Variants in RBKS observed in about 807,000 individuals in gnomAD.
RBKS encodes the protein ribokinase.
A neutral mutation model predicts 33.9 loss-of-function variants in RBKS; 33 were observed. The ratio of observed to expected loss-of-function variants is 0.97; its 90% CI spans 0.74 to 1.30. The LOEUF is 1.30. RBKS is among the 50% of genes most tolerant of loss of function. The pLI is 0.00. For synonymous variants in RBKS, 125 were observed against 143.0 expected, an observed-to-expected ratio of 0.87 and a Z score of 0.90; for missense variants, 361 against 392.6, an observed-to-expected ratio of 0.92 and a Z score of 0.68.
chr2:27,827,579 A>T lies in RBKS; in HGVS notation c.783T>A (p.Ala261=). The change falls in exon 7 of 8, where the codon GCT becomes GCA. Residue 261 remains alanine (A), a synonymous_variant. Transcript: ENST00000302188. The stretch of plus-strand genomic sequence containing the variant: ...TTTTAAAACTTACCGTGGTATCCAC[A>T]GCCTTGACTTTCTCTGTGGGAATGT... ...PKHIPTEKVK[A]VDTTGAGDSF... 1 of 1,584,232 alleles carries T rather than the reference A, an allele frequency of 6.3e-7. No individual in the cohort carries two copies. Among genetic ancestry groups the T allele is most frequent in the Non-Finnish European group, 8.6e-7 (1 of 1,168,858 alleles).
intron 5 of RBKS, among the ~76,000 whole-genome samples, chr2:27,840,089 A>G (rs4275987): frequency 0.35 from 51,499 of 145,826 alleles, 11,022 homozygotes; most frequent in East Asian, 0.63. Flanking sequence ...GCGCGATCTC[A>G]GCTCACTGCA....
rs577547045 is a variant in RBKS, at chr2:27,795,572, T to C, written c.796-13784A>G. Among the ~76,000 whole-genome samples, 1 of 152,204 alleles carries C rather than the reference T, an allele frequency of 6.6e-6. No individual in the cohort carries two copies. The highest frequency in any genetic ancestry group is 2.4e-5 in the African/African-American group (1 of 41,532). ...ACACAACATTGACCTCATTTCATCT[T>C]CACACTGACCCTGCACTCCCCCGCC... On this transcript the variant is annotated intron_variant, in intron 7 of 7. Coordinates refer to ENST00000302188, the MANE Select transcript of RBKS (RefSeq NM_022128.3). This position sits in a 1 kb window ranked among gnomAD's most constrained non-coding sequence, Gnocchi z 4.1.
chr2:27,867,650 T>C (rs867348227), intron 1 of RBKS, among the ~76,000 whole-genome samples: 1 of 152,216 alleles, frequency 6.6e-6, no homozygotes, highest in Non-Finnish European at 1.5e-5. Flanking sequence ...CAAATCTTTT[T>C]GGATAATTAT....
At chr2:27,815,777 C>G (rs959699004) in intron 7 of RBKS, among the ~76,000 whole-genome samples, 1 of 152,108 alleles carries the variant, frequency 6.6e-6, no homozygotes, top group Non-Finnish European at 1.5e-5. Flanking sequence ...AAGCAAGCTC[C>G]CATAACCTTA....
At chr2:27,840,878 T>C (rs753322384) in intron 5 of RBKS, among the ~76,000 whole-genome samples, 1 of 152,184 alleles carries the variant, frequency 6.6e-6, no homozygotes, top group Non-Finnish European at 1.5e-5. Context: ...ATGCCTGCCA[T>C]ATCTTTGTCA....
intron 4 of RBKS, among the ~76,000 whole-genome samples, chr2:27,846,686 A>C (rs1470236034): frequency 6.6e-6 from 1 of 152,232 alleles, no homozygotes; most frequent in Non-Finnish European, 1.5e-5. Context: ...ATACTTACCT[A>C]GTGTAACTGA....
At chr2:27,785,926 C>T (rs1211713584) in intron 7 of RBKS, among the ~76,000 whole-genome samples, 2 of 152,128 alleles carry the variant, frequency 1.3e-5, no homozygotes, top group Non-Finnish European at 2.9e-5. Context: ...ACGCTGGAAA[C>T]CATCTGATTG....
chr2:27,786,812 A>T (rs184840997), intron 7 of RBKS, among the ~76,000 whole-genome samples: 5 of 151,758 alleles, frequency 3.3e-5, no homozygotes, highest in Admixed American at 3.3e-4. Context: ...AAGTTTAAAA[A>T]ATATTGTACC....
At chr2:27,820,862 G>A (rs1204720833) in intron 7 of RBKS, among the ~76,000 whole-genome samples, 1 of 152,088 alleles carries the variant, frequency 6.6e-6, no homozygotes, top group Admixed American at 6.5e-5. Flanking sequence ...CCAACATGGT[G>A]AAACCCTGTC....
chr2:27,866,087 T>C (rs1217467028), intron 1 of RBKS, among the ~76,000 whole-genome samples: 2 of 152,178 alleles, frequency 1.3e-5, no homozygotes, highest in Non-Finnish European at 2.9e-5. Context: ...GGAACTTCCT[T>C]TAACATTTAT....
chr2:27,868,610 A>G (rs939732126), intron 1 of RBKS, among the ~76,000 whole-genome samples: 1 of 152,222 alleles, frequency 6.6e-6, no homozygotes, highest in African/African-American at 2.4e-5. Flanking sequence ...CTATACTAAA[A>G]ACAACCTATA....
At chr2:27,854,980 A>T (rs1380878688) in intron 2 of RBKS, among the ~76,000 whole-genome samples, 1 of 152,216 alleles carries the variant, frequency 6.6e-6, no homozygotes, top group Non-Finnish European at 1.5e-5. Context: ...CCTATAGTTC[A>T]TAATACTTTA....
intron 1 of RBKS, among the ~76,000 whole-genome samples, chr2:27,864,408 G>C (rs1189177001): frequency 6.6e-6 from 1 of 152,166 alleles, no homozygotes; most frequent in Non-Finnish European, 1.5e-5. Flanking sequence ...CAACACTCTA[G>C]CCAGAAGTGA....
chr2:27,788,312 G>GATGAC (rs1375087314), intron 7 of RBKS, among the ~76,000 whole-genome samples: 1 of 152,172 alleles, frequency 6.6e-6, no homozygotes, highest in African/African-American at 2.4e-5. Flanking sequence ...TTTCTTTGTA[G>GATGAC]ATGACATAAT....
At chr2:27,815,374 C>CT (rs767795574) in intron 7 of RBKS, among the ~76,000 whole-genome samples, 1 of 152,042 alleles carries the variant, frequency 6.6e-6, no homozygotes, top group African/African-American at 2.4e-5. Context: ...TGCTGGCTAA[C>CT]TTTTTTTGTC....
chr2:27,810,897 A>T lies in RBKS; in HGVS notation c.795+16670T>A, dbSNP rs1677976363. ...AGCCATATTAATCTTTTTATAAAGT[A>T]TAAATCTGATCAAATGTATCCCTTG... is the stretch of plus-strand genomic sequence containing the variant. On this transcript the variant is annotated intron_variant, in intron 7 of 7. Coordinates refer to ENST00000302188, the MANE Select transcript of RBKS (RefSeq NM_022128.3). The surrounding 1 kb of genome is among the most constrained non-coding windows in gnomAD (Gnocchi z 4.4). Among the ~76,000 whole-genome samples the T allele has an allele frequency of 6.6e-6, 1 of 152,196 alleles. No homozygotes were observed. Among genetic ancestry groups the T allele is most frequent in the Non-Finnish European group, 1.5e-5 (1 of 68,038 alleles).
intron 7 of RBKS, among the ~76,000 whole-genome samples, chr2:27,825,346 G>A (rs140080281): frequency 4.6e-5 from 7 of 152,164 alleles, no homozygotes; most frequent in African/African-American, 1.2e-4. Context: ...TTATAGCCAC[G>A]TCATGTACAA....
At chr2:27,782,302 A>T (rs1677303710) in intron 7 of RBKS, among the ~76,000 whole-genome samples, 1 of 152,068 alleles carries the variant, frequency 6.6e-6, no homozygotes, top group Non-Finnish European at 1.5e-5. Flanking sequence ...CTGCTTCAGC[A>T]TCCCAAGTAG....
intron 2 of RBKS, among the ~76,000 whole-genome samples, chr2:27,852,096 G>T (rs1663759165): frequency 6.6e-6 from 1 of 152,112 alleles, no homozygotes; most frequent in Admixed American, 6.6e-5. Flanking sequence ...AAGCCAAAAG[G>T]GAACTCTCAG....
Sources: allele counts gnomAD v4.1 joint callset (sites outside exome capture counted in the v4.1 genomes callset), GRCh38; gene constraint gnomAD v4.1.1; non-coding constraint Gnocchi (gnomAD v3.1); transcripts MANE v1.5; gene names NCBI Gene and HGNC (gene_info 2026-07-23, HGNC 2026-07-21).